LHPP: variants seen among roughly 807,000 people sequenced by gnomAD.
LHPP encodes phospholysine phosphohistidine inorganic pyrophosphate phosphatase.
A neutral mutation model predicts 30.3 loss-of-function variants in LHPP; 24 were observed. That is an observed-to-expected ratio of 0.79 (90% confidence interval 0.57 to 1.11). The LOEUF is 1.11. Ranked by LOEUF, LHPP falls within the 50% of genes most tolerant of loss-of-function variation. The pLI, the probability that LHPP is intolerant of heterozygous loss-of-function variation, is 0.00. For synonymous variants in LHPP, 150 were observed against 157.1 expected (o/e 0.95, Z 0.34); for missense variants, 356 against 367.2 (o/e 0.97, Z 0.25).
At chr10:124,481,012 T>A (rs1238210893) in intron 1 of LHPP, among the ~76,000 whole-genome samples, 1 of 151,918 alleles carries the variant, frequency 6.6e-6, no homozygotes, top group Non-Finnish European at 1.5e-5. Context: ...GTGGGTGAGG[T>A]CATTTAGACT....
intron 6 of LHPP, among the ~76,000 whole-genome samples, chr10:124,591,453 G>A (rs1391273442): frequency 1.3e-5 from 2 of 150,606 alleles, no homozygotes; most frequent in Non-Finnish European, 3.0e-5. Context: ...CTGTCCCCCC[G>A]ACTCCTGGTT....
intron 1 of LHPP, among the ~76,000 whole-genome samples, chr10:124,462,673 T>A (rs767470619): frequency 6.6e-6 from 1 of 152,258 alleles, no homozygotes; most frequent in Non-Finnish European, 1.5e-5. Context: ...GTTGTTTGCC[T>A]GTTGAAATGA....
At chr10:124,529,682 C>T (rs747859999) in intron 6 of LHPP, among the ~76,000 whole-genome samples, 6 of 152,100 alleles carry the variant, frequency 3.9e-5, no homozygotes, top group South Asian at 2.1e-4. Flanking sequence ...AGGGGGAGGA[C>T]GAGGGGCCAC....
At chr10:124,483,744 C>T (rs1002056233) in intron 1 of LHPP, among the ~76,000 whole-genome samples, 5 of 150,890 alleles carry the variant, frequency 3.3e-5, no homozygotes, top group Admixed American at 2.0e-4. Flanking sequence ...GCGACAAGAG[C>T]GAGACTCCAT....
chr10:124,574,910 G>T (rs1275284590), intron 6 of LHPP, among the ~76,000 whole-genome samples: 1 of 152,106 alleles, frequency 6.6e-6, no homozygotes, highest in African/African-American at 2.4e-5. Context: ...ACCCACCTGG[G>T]TTGTGGCCTT....
chr10:124,571,654 T>C (rs12269470), intron 6 of LHPP, among the ~76,000 whole-genome samples: 45,022 of 152,084 alleles, frequency 0.3, 6,792 homozygotes, highest in South Asian at 0.4. Flanking sequence ...ATTTATGAGA[T>C]CATGGACCTC....
At chr10:124,529,621 C>CG (rs1321602150) in intron 6 of LHPP, among the ~76,000 whole-genome samples, 2 of 152,150 alleles carry the variant, frequency 1.3e-5, no homozygotes, top group Non-Finnish European at 2.9e-5. Context: ...GAGCTGAGGG[C>CG]CAGGGGCTCC....
At chr10:124,467,130 C>G (rs961963733) in intron 1 of LHPP, among the ~76,000 whole-genome samples, 1 of 151,346 alleles carries the variant, frequency 6.6e-6, no homozygotes, top group Admixed American at 6.6e-5. Flanking sequence ...AAAAAAAAAA[C>G]CATTGTTTTT....
In LHPP at chr10:124,587,066, G is replaced by A. The variant is rs148835028; in HGVS notation, c.717-26198G>A. Among the ~76,000 whole-genome samples the A allele has an allele frequency of 8.2e-5, 11 of 133,854 alleles. No homozygotes were observed. The East Asian group carries it at 2.0e-3, about 24-fold the overall frequency. 87.8% of individuals were successfully genotyped at this position (133,854 alleles called of 152,430 possible). A position where few individuals can be genotyped will look rare whatever the true frequency, so the allele number is the denominator to read the frequency against. On this transcript the variant is annotated intron_variant, in intron 6 of 6. Coordinates refer to ENST00000368842, the MANE Select transcript of LHPP (RefSeq NM_022126.4). The stretch of plus-strand genomic sequence containing the variant: ...TTTTTTGAGACAGTGTTTTGCTCTC[G>A]TCACCCAGGCTAGAGTGCAACGGCA...
intron 3 of LHPP, 142 bp downstream of exon 3, chr10:124,488,717 T>C (rs1953417695): frequency 1.5e-6 from 1 of 684,712 alleles, no homozygotes; most frequent in African/African-American, 1.8e-5. Flanking sequence ...CCCTTTTTCA[T>C]GCTTTCTCTC....
At chr10:124,463,339 C>T (rs1245308852) in intron 1 of LHPP, among the ~76,000 whole-genome samples, 1 of 151,144 alleles carries the variant, frequency 6.6e-6, no homozygotes, top group African/African-American at 2.4e-5. Flanking sequence ...AAGAGAACAT[C>T]GTGCCAGCCA....
At chr10:124,498,557 A>G in intron 5 of LHPP, 1 of 1,203,266 alleles carries the variant, frequency 8.3e-7, no homozygotes, top group Non-Finnish European at 1.1e-6. Context: ...CAAACTTCCA[A>G]ATTTTAGAAA....
intron 6 of LHPP, among the ~76,000 whole-genome samples, chr10:124,574,197 G>A (rs560498783): frequency 2.0e-5 from 3 of 152,344 alleles, no homozygotes; most frequent in South Asian, 2.1e-4. Flanking sequence ...TTGCTGCCGC[G>A]CAGAACAGTA....
chr10:124,512,208 G>A (rs1257821276), intron 5 of LHPP, among the ~76,000 whole-genome samples: 1 of 152,236 alleles, frequency 6.6e-6, no homozygotes, highest in Non-Finnish European at 1.5e-5. Flanking sequence ...AAGGCCTAGG[G>A]CAAAGGTATC....
intron 5 of LHPP, among the ~76,000 whole-genome samples, chr10:124,502,284 C>G (rs1052958649): frequency 6.6e-6 from 1 of 151,918 alleles, no homozygotes; most frequent in Non-Finnish European, 1.5e-5. Context: ...CCCTAGTGTC[C>G]TTTATCTGTG....
chr10:124,513,172 T>C (rs1350541747), intron 5 of LHPP, among the ~76,000 whole-genome samples: 1 of 152,198 alleles, frequency 6.6e-6, no homozygotes, highest in Non-Finnish European at 1.5e-5. Context: ...CTCATTCTCC[T>C]GCCTCAGCCT....
chr10:124,524,649 C>T (rs1249912822), intron 6 of LHPP, among the ~76,000 whole-genome samples: 3 of 152,040 alleles, frequency 2.0e-5, no homozygotes, highest in Non-Finnish European at 4.4e-5. Context: ...GCCTGGGCAA[C>T]ATAGCGAGAC....
At chr10:124,514,400 G>A (rs930631893) in intron 5 of LHPP, among the ~76,000 whole-genome samples, 6 of 149,470 alleles carry the variant, frequency 4.0e-5, no homozygotes, top group East Asian at 2.0e-4. Flanking sequence ...AATTATTTCC[G>A]CTTCGGATGT....
intron 5 of LHPP, among the ~76,000 whole-genome samples, chr10:124,516,816 G>A (rs1418914724): frequency 1.3e-5 from 2 of 152,140 alleles, no homozygotes; most frequent in East Asian, 3.8e-4. Flanking sequence ...GGAATCAAGG[G>A]CAAATAACCA....
Sources: gnomAD v4.1 joint callset for allele counts (sites outside exome capture counted in the v4.1 genomes callset) on GRCh38, gnomAD v4.1.1 for gene constraint, MANE v1.5 for transcripts, NCBI Gene and HGNC (gene_info 2026-07-23, HGNC 2026-07-21) for gene names.